The following ZNF329 variants were observed in gnomAD, a reference collection of about 807,000 sequenced individuals.
ZNF329 encodes zinc finger protein 329.
ZNF329 carries 15 observed loss-of-function variants against 26.6 expected under a neutral mutation model. The ratio of observed to expected loss-of-function variants is 0.56; its 90% CI spans 0.38 to 0.87. The LOEUF (loss-of-function observed/expected upper bound fraction) is 0.87, where lower values mean the gene tolerates loss of function less well. Among genes scored for constraint, ZNF329 ranks in the 40% least tolerant of loss-of-function variants. The pLI is 0.00. For synonymous variants in ZNF329, 239 were observed against 233.5 expected (o/e 1.02, Z -0.21); for missense variants, 651 against 651.9 (o/e 1.00, Z 0.02).
upstream of ZNF329, among the ~76,000 whole-genome samples, chr19:58,154,078 T>C (rs986376316): frequency 3.3e-5 from 5 of 151,858 alleles, no homozygotes; most frequent in Non-Finnish European, 7.4e-5. Context: ...CTCAGCTCAC[T>C]GCAGCCTCCA....
upstream of ZNF329, among the ~76,000 whole-genome samples, chr19:58,150,954 T>C (rs968584125): frequency 1.3e-5 from 2 of 152,286 alleles, no homozygotes; most frequent in African/African-American, 2.4e-5. Context: ...TCTCCTCTGA[T>C]TTTTAACCCG....
At chr19:58,141,289 C>T (rs964546682) in intron 3 of ZNF329, among the ~76,000 whole-genome samples, 1 of 151,828 alleles carries the variant, frequency 6.6e-6, no homozygotes, top group Non-Finnish European at 1.5e-5. Context: ...AGCCACCACG[C>T]CTGGCTTAAC....
intron 3 of ZNF329, among the ~76,000 whole-genome samples, chr19:58,137,283 G>GC (rs1471010738): frequency 2.0e-4 from 31 of 152,266 alleles, no homozygotes; most frequent in Middle Eastern, 3.4e-3. Flanking sequence ...GCTGGGCACG[G>GC]CGGCTCACAC....
rs1380133435 is a variant in ZNF329 at position 58,128,871 on chromosome 19, G to C, written c.633C>G (p.Cys211Trp). 4 of 1,613,400 alleles carry C rather than the reference G, an allele frequency of 2.5e-6. No individual in the cohort carries two copies. Among genetic ancestry groups the C allele is most frequent in the Non-Finnish European group, 3.4e-6 (4 of 1,179,828 alleles). ...AAACAAGAGAAGAGTTCCGTTTGAA[G>C]CATTTGCCACATTCAGTACATCTAT... ...KQYRCTECGK[C>W]FKRNSSLVLH... Residue 211 changes from cysteine to tryptophan, a missense_variant, in exon 4 of 4, where the codon TGC (cysteine) becomes TGG (tryptophan). By Grantham distance (215) the Cys-to-Trp change is radical. Coordinates refer to ENST00000598312, the MANE Select transcript of ZNF329 (RefSeq NM_024620.4).
upstream of ZNF329, chr19:58,150,887 T>G (rs34003091): frequency 4.6e-5 from 7 of 152,476 alleles, no homozygotes; most frequent in African/African-American, 1.7e-4. Flanking sequence ...GGTTATTCAT[T>G]ACCCTGGCGT....
chr19:58,144,382 A>ATCTATCCATC (rs148271661), intron 1 of ZNF329, among the ~76,000 whole-genome samples: 1 of 123,976 alleles, frequency 8.1e-6, no homozygotes, highest in Non-Finnish European at 1.6e-5. Flanking sequence ...CTATCTATCT[A>ATCTATCCATC]TATATATATA....
Position 58,147,093 on chromosome 19 carries a change from T to C in ZNF329, c.-208+3659A>G, listed in dbSNP as rs1446864934. Among the ~76,000 whole-genome samples, 5 of 149,240 alleles carry C rather than the reference T, an allele frequency of 3.4e-5. No individual in the cohort carries two copies. In the South Asian group the frequency reaches 1.1e-3, roughly 32 times the overall value. On this transcript the variant is annotated intron_variant, in intron 1 of 3. Coordinates refer to ENST00000598312, the MANE Select transcript of ZNF329 (RefSeq NM_024620.4). Reference sequence around the variant, plus strand: ...GCGTCTCTGCCCGGCCGCCATCCCATCTAGGAAGTGAGGAGCGTCTCTGCC... The same window carrying C: ...GCGTCTCTGCCCGGCCGCCATCCCACCTAGGAAGTGAGGAGCGTCTCTGCC...
At chr19:58,140,705 C>T (rs142278056) in intron 3 of ZNF329, among the ~76,000 whole-genome samples, 1,857 of 151,862 alleles carry the variant, frequency 0.012, 45 homozygotes, top group African/African-American at 0.042. Flanking sequence ...GTGACCACCG[C>T]GCCCAGCCCT....
chr19:58,152,983 AAAGT>A (rs1478746345), upstream of ZNF329, among the ~76,000 whole-genome samples: 1 of 152,252 alleles, frequency 6.6e-6, no homozygotes, highest in African/African-American at 2.4e-5. Flanking sequence ...GAGATGAGTA[AAAGT>A]AATAATCTAG....
chr19:58,147,069 C>A (rs1043157898), intron 1 of ZNF329, among the ~76,000 whole-genome samples: 25 of 149,326 alleles, frequency 1.7e-4, no homozygotes, highest in Admixed American at 1.7e-3. Context: ...AAGTGAGGAG[C>A]GTCTCTGCCC....
In ZNF329 at chr19:58,144,726, G is replaced by A. The variant is rs186818125; in HGVS notation, c.-207-1528C>T. ...TTTTTTTTTTTTTTTTAAAGAGACAGAGTCTTGCTTTGATGCTCAGGCTTG... is the reference window on the plus strand; with the variant it reads ...TTTTTTTTTTTTTTTTAAAGAGACAAAGTCTTGCTTTGATGCTCAGGCTTG... On this transcript the variant is annotated intron_variant, in intron 1 of 3. Transcript: ENST00000598312. Among the ~76,000 whole-genome samples, 166 of 145,322 alleles carry A rather than the reference G, an allele frequency of 1.1e-3. 1 individual carries two copies. The highest frequency in any genetic ancestry group is 3.6e-3 in the Middle Eastern group (1 of 274).
Position 58,128,105 on chromosome 19 carries a change from T to C in ZNF329, c.1399A>G (p.Ser467Gly), listed in dbSNP as rs115038172. The change falls in exon 4 of 4, where the codon AGC becomes GGC. Residue 467 changes from serine (S) to glycine (G), a missense_variant. Ser to Gly is a moderately conservative substitution (Grantham distance 56, BLOSUM62 0). Transcript: ENST00000598312. ...CTCTGGTGCTTGGTCAGACAGGAGCTGTCCCTGAAGGCTTTGCCACACTGA... is the reference window on the plus strand; with the variant it reads ...CTCTGGTGCTTGGTCAGACAGGAGCCGTCCCTGAAGGCTTTGCCACACTGA... ...CNQCGKAFRD[S>G]SCLTKHQRIH... 557 of 1,602,862 alleles carry C rather than the reference T, an allele frequency of 3.5e-4. 8 individuals are homozygous for C. In the South Asian group the frequency reaches 5.7e-3, roughly 16 times the overall value.
rs367828081 is a variant in ZNF329 at position 58,148,153 on chromosome 19, C to G, written c.-208+2599G>C. Reference sequence around the variant, plus strand: ...CACTCAGGGTTAAATGGATTAAGGGCGGTGCAAGATGTGCTTTGTTAAACA... The same window carrying G: ...CACTCAGGGTTAAATGGATTAAGGGGGGTGCAAGATGTGCTTTGTTAAACA... On this transcript the variant is annotated intron_variant, in intron 1 of 3. Coordinates refer to ENST00000598312, the MANE Select transcript of ZNF329 (RefSeq NM_024620.4). 9.1e-3 allele frequency among the ~76,000 whole-genome samples: 1,384 copies of G among 151,782 alleles called. 17 individuals carry two copies. Among genetic ancestry groups the G allele is most frequent in the African/African-American group, 0.031 (1,268 of 41,240 alleles).
At position 58,127,775 on chromosome 19, in the gene ZNF329, T is replaced by C. The variant is rs1288185426; in HGVS notation, c.*103A>G. 1 of 1,171,524 alleles carries C rather than the reference T, an allele frequency of 8.5e-7. No individual in the cohort carries two copies. The highest frequency in any genetic ancestry group is 1.5e-5 in the African/African-American group (1 of 64,836). 72.6% of individuals were successfully genotyped at this position (1,171,524 alleles called of 1,614,324 possible). A position where few individuals can be genotyped will look rare whatever the true frequency, so the allele number is the denominator to read the frequency against. ...CACATTCATCAATTCACTGGATAGC[T>C]TAAAGGATTCTTTTCTACTGACCAG... On this transcript the variant is annotated 3_prime_UTR_variant, in exon 4 of 4. Transcript: ENST00000598312.
At chr19:58,151,266 T>G (rs964486919), upstream of ZNF329, among the ~76,000 whole-genome samples, 7 of 152,166 alleles carry the variant, frequency 4.6e-5, no homozygotes, top group African/African-American at 1.4e-4. Context: ...ATTCTTTCAG[T>G]GGTTCTCTTA....
chr19:58,144,265 C>T (rs2075250664), intron 1 of ZNF329, among the ~76,000 whole-genome samples: 2 of 151,400 alleles, frequency 1.3e-5, no homozygotes, highest in Non-Finnish European at 2.9e-5. Context: ...ACCTCCGCCT[C>T]CTGGGTTCAA....
At chr19:58,133,054 C>T (rs886653076) in intron 3 of ZNF329, among the ~76,000 whole-genome samples, 5 of 152,242 alleles carry the variant, frequency 3.3e-5, no homozygotes, top group South Asian at 2.1e-4. Flanking sequence ...CCTCGTGATC[C>T]GCCCGCCTCA....
intron 1 of ZNF329, among the ~76,000 whole-genome samples, chr19:58,147,602 T>C (rs1160512190): frequency 1.1e-5 from 1 of 89,368 alleles, no homozygotes. Flanking sequence ...GGTGGGGGGG[T>C]CAGCCCTCCG....
In ZNF329 at chr19:58,129,204, A is replaced by C; in HGVS notation, c.300T>G (p.Gly100=). ...TGGGTAAGGCGGGGTCACAATCCAG[A>C]CCACTAACATTTGAGTCAGGTGCAT... ...GFHAPDSNVS[G]LDCDPALPSY... The change falls in exon 4 of 4, where the codon GGT becomes GGG. Residue 100 remains glycine (G), a synonymous_variant. Transcript: ENST00000598312. 3.7e-6 allele frequency: 6 copies of C among 1,614,236 alleles called. No individual in the cohort carries two copies. The highest frequency in any genetic ancestry group is 1.3e-5 in the African/African-American group (1 of 75,044).
Sources: gnomAD v4.1 joint callset for allele counts (sites outside exome capture counted in the v4.1 genomes callset) on GRCh38, gnomAD v4.1.1 for gene constraint, MANE v1.5 for transcripts, NCBI Gene and HGNC (gene_info 2026-07-23, HGNC 2026-07-21) for gene names.